Variants in GAMT observed in about 807,000 individuals in gnomAD.
GAMT encodes epididymis secretory protein Li 20.
Under a neutral mutation model 26.9 loss-of-function variants are expected in GAMT, and 26 were observed. The ratio of observed to expected loss-of-function variants is 0.97; its 90% CI spans 0.71 to 1.34. The LOEUF (loss-of-function observed/expected upper bound fraction) is 1.34. Ranked by LOEUF, GAMT falls within the 40% of genes most tolerant of loss-of-function variation. The probability of loss-of-function intolerance (pLI) is 0.00; values close to 1 mark genes in which losing one functional copy is unlikely to be tolerated. For synonymous variants in GAMT, 169 were observed against 149.6 expected, an observed-to-expected ratio of 1.13 and a Z score of -0.95; for missense variants, 412 against 345.0, an observed-to-expected ratio of 1.19 and a Z score of -1.54.
rs371511930 is a variant in GAMT, at chr19:1,399,597, G to C, written c.328-10C>G. On this transcript the variant is annotated splice_polypyrimidine_tract_variant and intron_variant, in intron 2 of 5. Transcript: ENST00000252288. This position sits in a 1 kb window ranked among gnomAD's most constrained non-coding sequence, Gnocchi z 6.2. ...CTTTCAAGGGGATGACCTTGCAGAGGGGAAAAGAAAAAGAGAGGACAGGGT... is the reference window on the plus strand; with the variant it reads ...CTTTCAAGGGGATGACCTTGCAGAGCGGAAAAGAAAAAGAGAGGACAGGGT... The C allele has an allele frequency of 6.2e-7, 1 of 1,611,480 alleles. No individual in the cohort carries two copies. The highest frequency in any genetic ancestry group is 8.5e-7 in the Non-Finnish European group (1 of 1,179,100).
chr19:1,398,859 C>T (rs757124928), intron 5 of GAMT, 57 bp downstream of exon 5: 2 of 1,603,124 alleles, frequency 1.2e-6, no homozygotes, highest in South Asian at 2.2e-5. Flanking sequence ...CAGCCCCTTC[C>T]CACCCCCATC....
At chr19:1,398,702 CCA>C (rs2082614818) in intron 5 of GAMT, 1 of 1,526,960 alleles carries the variant, frequency 6.5e-7, no homozygotes, top group African/African-American at 1.4e-5. Context: ...CCTCGGCCTT[CCA>C]CAGTGCTGGG....
In GAMT at chr19:1,401,317, C is replaced by T; in HGVS notation, c.160G>A (p.Ala54Thr). The T allele has an allele frequency of 2.6e-6, 4 of 1,516,502 alleles. No homozygotes were observed. Among genetic ancestry groups the T allele is most frequent in the Non-Finnish European group, 8.8e-7 (1 of 1,138,452 alleles). 93.9% of individuals were successfully genotyped at this position (1,516,502 alleles called of 1,614,324 possible). A position where few individuals can be genotyped will look rare whatever the true frequency, so the allele number is the denominator to read the frequency against. Residue 54 changes from alanine to threonine, a missense_variant, in exon 1 of 6, where the codon GCC (alanine) becomes ACC (threonine). By Grantham distance (58) the Ala-to-Thr change is moderately conservative. Coordinates refer to ENST00000252288, the MANE Select transcript of GAMT (RefSeq NM_000156.6). Reference sequence around the variant, plus strand: ...CTACCTTTGGAGGAGGCGGCGGCGGCCAGCGCGTGCATATAGGGGGTCTCC... The same window carrying T: ...CTACCTTTGGAGGAGGCGGCGGCGGTCAGCGCGTGCATATAGGGGGTCTCC... ...RWETPYMHAL[A>T]AAASSKGGRV...
intron 5 of GAMT, chr19:1,398,113 G>A: frequency 2.0e-6 from 2 of 994,266 alleles, no homozygotes; most frequent in Non-Finnish European, 2.4e-6. Context: ...TTTTTGTTTT[G>A]TTGAGATGGA....
At chr19:1,398,655 G>C in intron 5 of GAMT, 1 of 1,186,660 alleles carries the variant, frequency 8.4e-7, no homozygotes. Context: ...TGTAGCCCAG[G>C]CTGGTCTTGA....
At chr19:1,397,784 G>A (rs1052409094) in intron 5 of GAMT, 2 of 1,336,946 alleles carry the variant, frequency 1.5e-6, no homozygotes, top group Non-Finnish European at 1.9e-6. Flanking sequence ...AGTGTGGCGG[G>A]TGGAGCCAAA....
Position 1,398,969 on chromosome 19 carries a change from A to T in GAMT, c.517T>A (p.Ser173Thr), listed in dbSNP as rs966279657. The change falls in exon 5 of 6, where the codon TCC becomes ACC. Residue 173 changes from serine (S) to threonine (T), a missense_variant. Ser to Thr is a moderately conservative substitution (Grantham distance 58). Coordinates refer to ENST00000252288, the MANE Select transcript of GAMT (RefSeq NM_000156.6). The part of the protein sequence containing the change: ...GGVLTYCNLT[S>T]WGELMKSKYS... ...TTGGACTTCATCAGCTCCCCCCAGGAGGTGAGGTTGCAGTAGGTGAGGACG... is the reference window on the plus strand; with the variant it reads ...TTGGACTTCATCAGCTCCCCCCAGGTGGTGAGGTTGCAGTAGGTGAGGACG... 6.2e-7 allele frequency: 1 copy of T among 1,613,338 alleles called. No homozygotes were observed. The highest frequency in any genetic ancestry group is 8.5e-7 in the Non-Finnish European group (1 of 1,179,988).
At chr19:1,401,063 C>G (rs1056953055) in intron 1 of GAMT, among the ~76,000 whole-genome samples, 1 of 152,210 alleles carries the variant, frequency 6.6e-6, no homozygotes, top group East Asian at 1.9e-4. Context: ...GGGCCTCACT[C>G]CCCCTGGAGA....
intron 5 of GAMT, 89 bp downstream of exon 5, chr19:1,398,827 C>T (rs1354823813): frequency 6.4e-7 from 1 of 1,574,318 alleles, no homozygotes; most frequent in African/African-American, 1.4e-5. Flanking sequence ...GGGACCCTCC[C>T]CAGGTAGCAA....
Position 1,399,339 on chromosome 19 carries a change from C to G in GAMT, c.392-144G>C, listed in dbSNP as rs918325743. On this transcript the variant is annotated intron_variant, in intron 3 of 5. Transcript: ENST00000252288. The surrounding 1 kb of genome is among the most constrained non-coding windows in gnomAD (Gnocchi z 6.2). ...GGCTCCCACACAGGCTTGAGAACCCCGAGATCGCCTCCAGGGCCCCTCCGT... is the reference window on the plus strand; with the variant it reads ...GGCTCCCACACAGGCTTGAGAACCCGGAGATCGCCTCCAGGGCCCCTCCGT... 2.8e-5 allele frequency: 31 copies of G among 1,097,212 alleles called. 1 individual carries two copies. The South Asian group carries it at 3.9e-4, about 14-fold the overall frequency. 68.0% of individuals were successfully genotyped at this position (1,097,212 alleles called of 1,614,324 possible).
chr19:1,399,393 T>C lies in GAMT; in HGVS notation c.391+131A>G. On this transcript the variant is annotated intron_variant, in intron 3 of 5. Transcript: ENST00000252288. The surrounding 1 kb of genome is among the most constrained non-coding windows in gnomAD (Gnocchi z 6.2). Reference sequence around the variant, plus strand: ...CATGCCCATCCCCGGTGCTCCGCCATCCCACAGCCAGGCCCACACCCACTT... The same window carrying C: ...CATGCCCATCCCCGGTGCTCCGCCACCCCACAGCCAGGCCCACACCCACTT... 9.5e-7 allele frequency: 1 copy of C among 1,052,070 alleles called. No homozygotes were observed. The highest frequency in any genetic ancestry group is 1.4e-6 in the Non-Finnish European group (1 of 701,068). 65.2% of individuals were successfully genotyped at this position (1,052,070 alleles called of 1,614,324 possible).
chr19:1,399,977 C>G lies in GAMT; in HGVS notation c.182-39G>C. Reference sequence around the variant, plus strand: ...GGGCGCCTGGCATCACTAGGTGGGGCGGGCTTAGGAGGCTGCCTGGAGGAG... The same window carrying G: ...GGGCGCCTGGCATCACTAGGTGGGGGGGGCTTAGGAGGCTGCCTGGAGGAG... On this transcript the variant is annotated intron_variant, in intron 1 of 5. Transcript: ENST00000252288. This position sits in a 1 kb window ranked among gnomAD's most constrained non-coding sequence, Gnocchi z 6.2. The G allele has an allele frequency of 2.5e-6, 4 of 1,577,442 alleles. No individual in the cohort carries two copies. Among genetic ancestry groups the G allele is most frequent in the Non-Finnish European group, 2.6e-6 (3 of 1,165,448 alleles).
chr19:1,397,864 A>G (rs1478587306), intron 5 of GAMT: 2 of 1,145,782 alleles, frequency 1.7e-6, no homozygotes, highest in Admixed American at 8.3e-5. Flanking sequence ...CAGGGGCCAC[A>G]GGCACCCAGC....
Position 1,399,476 on chromosome 19 carries a change from A to G in GAMT, c.391+48T>C. 2 of 1,539,636 alleles carry G rather than the reference A, an allele frequency of 1.3e-6. No homozygotes were observed. The highest frequency in any genetic ancestry group is 1.8e-6 in the Non-Finnish European group (2 of 1,121,102). ...CCCCCACAAGCAAAGGAGGGGCTGC[A>G]TTGGAGCTGGGGAGGCCCACCCTGT... On this transcript the variant is annotated intron_variant, in intron 3 of 5. Coordinates refer to ENST00000252288, the MANE Select transcript of GAMT (RefSeq NM_000156.6). The surrounding 1 kb of genome is among the most constrained non-coding windows in gnomAD (Gnocchi z 6.2).
Position 1,397,238 on chromosome 19 carries a change from A to C in GAMT, c.*121T>G. 8.1e-7 allele frequency: 1 copy of C among 1,236,832 alleles called. No homozygotes were observed. Among genetic ancestry groups the C allele is most frequent in the Non-Finnish European group, 1.1e-6 (1 of 888,904 alleles). The allele number at this position is 1,236,832 out of a possible 1,614,324, so 76.6% of individuals were successfully genotyped here. A position where few individuals can be genotyped will look rare whatever the true frequency, so the allele number is the denominator to read the frequency against. ...TGGGCTGGTGGGACCCCTCACAGAGAAGCCGGGAAAGCTTCTGGTGACACA... is the reference window on the plus strand; with the variant it reads ...TGGGCTGGTGGGACCCCTCACAGAGCAGCCGGGAAAGCTTCTGGTGACACA... On this transcript the variant is annotated 3_prime_UTR_variant, in exon 6 of 6. Coordinates refer to ENST00000252288, the MANE Select transcript of GAMT (RefSeq NM_000156.6).
rs2082617792 is a variant in GAMT at position 1,399,063 on chromosome 19, T to G, written c.460-37A>C. 4 of 1,612,470 alleles carry G rather than the reference T, an allele frequency of 2.5e-6. No homozygotes were observed. The highest frequency in any genetic ancestry group is 3.4e-6 in the Non-Finnish European group (4 of 1,179,884). ...GAGTGGCCAGTGGTCAGGACGGAGG[T>G]GGGGGTGTGGGCAGAGGGGCTTCCC... On this transcript the variant is annotated intron_variant, in intron 4 of 5. Transcript: ENST00000252288. This position sits in a 1 kb window ranked among gnomAD's most constrained non-coding sequence, Gnocchi z 6.2.
Position 1,399,699 on chromosome 19 carries a change from C to G in GAMT, c.327+94G>C. The G allele has an allele frequency of 6.6e-7, 1 of 1,525,268 alleles. No individual in the cohort carries two copies. The highest frequency in any genetic ancestry group is 8.8e-7 in the Non-Finnish European group (1 of 1,133,862). The allele number at this position is 1,525,268 out of a possible 1,614,324, so 94.5% of individuals were successfully genotyped here. A position where few individuals can be genotyped will look rare whatever the true frequency, so the allele number is the denominator to read the frequency against. On this transcript the variant is annotated intron_variant, in intron 2 of 5. Coordinates refer to ENST00000252288, the MANE Select transcript of GAMT (RefSeq NM_000156.6). This position sits in a 1 kb window ranked among gnomAD's most constrained non-coding sequence, Gnocchi z 6.2. ...CTCCCGAGAGAGAAGACCACCTCCT[C>G]CACCTCTGACAGCCCCAGGCCCCCA...
rs1600156794 is a variant in GAMT at position 1,397,102 on chromosome 19, G to T, written c.*257C>A. The T allele has an allele frequency of 1.9e-6, 1 of 516,046 alleles. No homozygotes were observed. The highest frequency in any genetic ancestry group is 3.2e-5 in the Admixed American group (1 of 31,430). 32.0% of individuals were successfully genotyped at this position (516,046 alleles called of 1,614,324 possible). ...ACAGTCGCACGCTCACTGCCGACTG[G>T]CCAAGCCCAGCGCCGGCGTTTACTT... is the stretch of plus-strand genomic sequence containing the variant. On this transcript the variant is annotated 3_prime_UTR_variant, in exon 6 of 6. Coordinates refer to ENST00000252288, the MANE Select transcript of GAMT (RefSeq NM_000156.6).
Position 1,399,207 on chromosome 19 carries a change from ACAGAAGCCCACGCGGT to A in GAMT, c.392-28_392-13del. ...GTCGTACAGGATCCCTGCACGGAGA[ACAGAAGCCCACGCGGT>A]CAGGGCCGGGCTCAGCGCCTCACCC... On this transcript the variant is annotated splice_polypyrimidine_tract_variant and intron_variant, in intron 3 of 5. Coordinates refer to ENST00000252288, the MANE Select transcript of GAMT (RefSeq NM_000156.6). The surrounding 1 kb of genome is among the most constrained non-coding windows in gnomAD (Gnocchi z 6.2). 2 of 1,613,262 alleles carry A rather than the reference ACAGAAGCCCACGCGGT, an allele frequency of 1.2e-6. No homozygotes were observed. Among genetic ancestry groups the A allele is most frequent in the South Asian group, 2.2e-5 (2 of 91,082 alleles).
Sources: gnomAD v4.1 joint callset for allele counts (sites outside exome capture counted in the v4.1 genomes callset) on GRCh38, gnomAD v4.1.1 for gene constraint, Gnocchi (gnomAD v3.1) non-coding constraint, MANE v1.5 for transcripts, NCBI Gene and HGNC (gene_info 2026-07-23, HGNC 2026-07-21) for gene names.